BTBD9: variants seen among roughly 807,000 people sequenced by gnomAD.
BTBD9 encodes BTB/POZ domain-containing protein 9.
In BTBD9, 49 loss-of-function variants were observed where a neutral mutation model predicts 64.3. The observed-to-expected ratio is 0.76, with a 90% CI of 0.61 to 0.97. The LOEUF (loss-of-function observed/expected upper bound fraction) is 0.97. Among genes scored for constraint, BTBD9 ranks in the 50% least tolerant of loss-of-function variants. BTBD9 has a pLI of 0.00. For synonymous variants in BTBD9, 260 were observed against 274.7 expected (o/e 0.95, Z 0.53); for missense variants, 598 against 762.1 (o/e 0.78, Z 2.53).
intron 6 of BTBD9, chr6:38,481,823 C>A (rs114917539): frequency 6.6e-6 from 1 of 152,210 alleles, no homozygotes; most frequent in African/African-American, 2.4e-5. Context: ...TTCCTTTCAG[C>A]GCAACTTATT....
intron 8 of BTBD9, among the ~76,000 whole-genome samples, chr6:38,277,938 C>T (rs1275806005): frequency 1.3e-5 from 2 of 152,132 alleles, no homozygotes; most frequent in Non-Finnish European, 2.9e-5. Context: ...GATAAGCCAA[C>T]CCCCTTACCA....
chr6:38,188,695 G>A (rs903401936), intron 10 of BTBD9, among the ~76,000 whole-genome samples: 1 of 152,166 alleles, frequency 6.6e-6, no homozygotes, highest in African/African-American at 2.4e-5. Context: ...ATTCCTCTTT[G>A]GAAGCCCTAA....
At chr6:38,569,980 T>C (rs555967053) in intron 6 of BTBD9, among the ~76,000 whole-genome samples, 1 of 152,264 alleles carries the variant, frequency 6.6e-6, no homozygotes, top group African/African-American at 2.4e-5. Flanking sequence ...GATTCAAGAA[T>C]ATTAGGTTCA....
At chr6:38,231,066 A>G (rs1231903496) in intron 9 of BTBD9, among the ~76,000 whole-genome samples, 1 of 152,178 alleles carries the variant, frequency 6.6e-6, no homozygotes, top group Non-Finnish European at 1.5e-5. Flanking sequence ...GAATGGTGAG[A>G]ATTATAGAAT....
intron 1 of BTBD9, among the ~76,000 whole-genome samples, chr6:38,622,612 A>G (rs1421777521): frequency 1.3e-5 from 2 of 152,116 alleles, no homozygotes; most frequent in Non-Finnish European, 2.9e-5. Flanking sequence ...AACCTCACCT[A>G]TTACACAAGC....
At chr6:38,341,365 G>C (rs765970194) in intron 7 of BTBD9, among the ~76,000 whole-genome samples, 38 of 151,130 alleles carry the variant, frequency 2.5e-4, no homozygotes, top group Admixed American at 4.0e-4. Context: ...GTATTTATAG[G>C]TGAAATGATA....
intron 10 of BTBD9, 115 bp from the exon 11 acceptor site, chr6:38,175,297 A>G: frequency 1.8e-6 from 2 of 1,096,684 alleles, no homozygotes; most frequent in Non-Finnish European, 2.7e-6. Context: ...AGGGAGTTAG[A>G]GGAGGTCCTT....
At chr6:38,546,624 A>C (rs775222469) in intron 6 of BTBD9, among the ~76,000 whole-genome samples, 2 of 152,130 alleles carry the variant, frequency 1.3e-5, no homozygotes, top group Non-Finnish European at 1.5e-5. Context: ...CAATATTTCA[A>C]ACCTTTTCAT....
intron 1 of BTBD9, among the ~76,000 whole-genome samples, chr6:38,601,949 A>G (rs1396604382): frequency 1.3e-5 from 2 of 152,200 alleles, no homozygotes; most frequent in African/African-American, 2.4e-5. Context: ...TATAATTGCA[A>G]AACACATGTA....
At position 38,174,467 on chromosome 6, in the gene BTBD9, T is replaced by C. The variant is rs41273104; in HGVS notation, c.*518A>G. 2 of 153,814 alleles carry C rather than the reference T, an allele frequency of 1.3e-5. No homozygotes were observed. The highest frequency in any genetic ancestry group is 2.4e-5 in the African/African-American group (1 of 41,632). 9.5% of individuals were successfully genotyped at this position (153,814 alleles called of 1,614,324 possible). ...TGATTTGCTGTTTGAGCATTTCAAATAGATCCGGAACACCTATGATTCACT... is the reference window on the plus strand; with the variant it reads ...TGATTTGCTGTTTGAGCATTTCAAACAGATCCGGAACACCTATGATTCACT... On this transcript the variant is annotated 3_prime_UTR_variant, in exon 11 of 11. Transcript: ENST00000481247.
chr6:38,284,628 C>T, intron 8 of BTBD9, among the ~76,000 whole-genome samples: 1 of 152,058 alleles, frequency 6.6e-6, no homozygotes, highest in Non-Finnish European at 1.5e-5. Flanking sequence ...GAAGAGTATT[C>T]TGAGTTGCCA....
At chr6:38,348,376 T>C (rs1764370779) in intron 6 of BTBD9, among the ~76,000 whole-genome samples, 1 of 152,212 alleles carries the variant, frequency 6.6e-6, no homozygotes, top group Admixed American at 6.5e-5. Context: ...CAGACTCTGA[T>C]TTAACCAGAT....
intron 6 of BTBD9, among the ~76,000 whole-genome samples, chr6:38,454,465 ATC>A (rs1253398199): frequency 6.8e-6 from 1 of 147,630 alleles, no homozygotes; most frequent in African/African-American, 2.5e-5. Context: ...ATATTTAATT[ATC>A]TTAAATATAG....
intron 6 of BTBD9, among the ~76,000 whole-genome samples, chr6:38,358,165 C>A (rs1326100138): frequency 6.6e-6 from 1 of 152,034 alleles, no homozygotes; most frequent in Non-Finnish European, 1.5e-5. Flanking sequence ...TGTGGAAAAA[C>A]ACCATCTCCT....
Position 38,439,110 on chromosome 6 carries a change from C to CTTTTTTTTTTTTTTTTTTT in BTBD9, c.1155-94036_1155-94018dup, listed in dbSNP as rs35699356. 1.2e-4 allele frequency among the ~76,000 whole-genome samples: 8 copies of CTTTTTTTTTTTTTTTTTTT among 64,052 alleles called. 1 individual carries two copies. The highest frequency in any genetic ancestry group is 5.5e-4 in the African/African-American group (8 of 14,584). The allele number at this position is 64,052 out of a possible 152,430, so 42.0% of individuals were successfully genotyped here. A position where few individuals can be genotyped will look rare whatever the true frequency, so the allele number is the denominator to read the frequency against. Reference sequence around the variant, plus strand: ...TCTTGTAGGCTCGTGTAGCAACTGACTTTTTTTTTTTTTTTTTTTTTTTTG... The same window carrying CTTTTTTTTTTTTTTTTTTT: ...TCTTGTAGGCTCGTGTAGCAACTGACTTTTTTTTTTTTTTTTTTTTTTTTTTTTTTTTTTTTTTTTTTTG... On this transcript the variant is annotated intron_variant, in intron 6 of 10. Transcript: ENST00000481247.
chr6:38,408,800 T>A (rs1466578965), intron 6 of BTBD9, among the ~76,000 whole-genome samples: 3 of 152,156 alleles, frequency 2.0e-5, no homozygotes, highest in African/African-American at 7.2e-5. Context: ...TCCGAAAAAC[T>A]AAGGCTAAAA....
At chr6:38,625,795 T>C (rs1443487482) in intron 1 of BTBD9, among the ~76,000 whole-genome samples, 1 of 152,228 alleles carries the variant, frequency 6.6e-6, no homozygotes, top group Non-Finnish European at 1.5e-5. Flanking sequence ...ATCTCAACTT[T>C]CTCATTTAGA....
chr6:38,281,298 A>G (rs1328336165), intron 8 of BTBD9, among the ~76,000 whole-genome samples: 1 of 152,246 alleles, frequency 6.6e-6, no homozygotes, highest in African/African-American at 2.4e-5. Context: ...TAATTTACAA[A>G]CTGAATAGAT....
rs77068496 is a variant in BTBD9, at chr6:38,401,009, A to T, written c.1155-55916T>A. Among the ~76,000 whole-genome samples the T allele has an allele frequency of 2.0e-3, 297 of 152,288 alleles. 1 individual carries two copies. The highest frequency in any genetic ancestry group is 6.6e-3 in the African/African-American group (276 of 41,562). On this transcript the variant is annotated intron_variant, in intron 6 of 10. Transcript: ENST00000481247. ...CCTGACCTTCTTTCCAGATTAGGAC[A>T]TCATATTACTCTCTGTCATAGCACC... is the stretch of plus-strand genomic sequence containing the variant.
Sources: gnomAD v4.1 joint callset for allele counts (sites outside exome capture counted in the v4.1 genomes callset) on GRCh38, gnomAD v4.1.1 for gene constraint, MANE v1.5 for transcripts, NCBI Gene and HGNC (gene_info 2026-07-23, HGNC 2026-07-21) for gene names.